Variants in PTPRT observed in about 807,000 individuals in gnomAD.
PTPRT encodes protein tyrosine phosphatase receptor type T, also known as receptor-type tyrosine-protein phosphatase T.
PTPRT carries 56 observed loss-of-function variants against 176.8 expected under a neutral mutation model. The observed-to-expected ratio is 0.32, with a 90% CI of 0.26 to 0.40. PTPRT has a LOEUF of 0.40. Ranked by LOEUF, PTPRT falls within the 10% of genes least tolerant of loss-of-function variation. The pLI is 1.00. For synonymous variants in PTPRT, 783 were observed against 739.0 expected (o/e 1.06, Z -0.96); for missense variants, 1,540 against 1,908.2 (o/e 0.81, Z 3.60).
intron 13 of PTPRT, among the ~76,000 whole-genome samples, chr20:42,259,838 G>T (rs1894594): frequency 0.11 from 16,937 of 152,064 alleles, 3,205 homozygotes; most frequent in African/African-American, 0.39. Flanking sequence ...GAAATAAAAT[G>T]TAGCCCATGG....
intron 5 of PTPRT, among the ~76,000 whole-genome samples, chr20:42,768,080 C>T (rs2077010496): frequency 1.3e-5 from 2 of 151,058 alleles, no homozygotes; most frequent in Non-Finnish European, 2.9e-5. Context: ...CCTGATTGCA[C>T]ATAAGCCTGG....
intron 5 of PTPRT, among the ~76,000 whole-genome samples, chr20:42,768,685 A>G (rs755974683): frequency 4.6e-5 from 7 of 152,110 alleles, no homozygotes; most frequent in Non-Finnish European, 7.3e-5. Flanking sequence ...TTCTCCTTCT[A>G]TCTGGTGTTG....
chr20:42,613,444 C>T (rs58420604), intron 7 of PTPRT, among the ~76,000 whole-genome samples: 3,634 of 152,326 alleles, frequency 0.024, 148 homozygotes, highest in African/African-American at 0.082. Flanking sequence ...TTATGCAGCT[C>T]TTTGAAGACA....
At chr20:42,643,737 C>G (rs1167140154) in intron 7 of PTPRT, among the ~76,000 whole-genome samples, 2 of 152,120 alleles carry the variant, frequency 1.3e-5, no homozygotes, top group East Asian at 3.8e-4. Context: ...TCCGCCACAA[C>G]CACTATGCAT....
At chr20:43,085,135 A>G (rs1173901948) in intron 1 of PTPRT, among the ~76,000 whole-genome samples, 2 of 152,182 alleles carry the variant, frequency 1.3e-5, no homozygotes, top group Non-Finnish European at 2.9e-5. Context: ...ATTAAACTCC[A>G]GAGAAGAACT....
intron 16 of PTPRT, among the ~76,000 whole-genome samples, chr20:42,190,821 G>A (rs942580184): frequency 1.3e-5 from 2 of 152,166 alleles, no homozygotes; most frequent in Non-Finnish European, 2.9e-5. Flanking sequence ...ATCTACAGAA[G>A]GCAGCATGGA....
At chr20:42,132,088 C>A (rs555561095) in intron 18 of PTPRT, among the ~76,000 whole-genome samples, 109 of 152,274 alleles carry the variant, frequency 7.2e-4, no homozygotes, top group African/African-American at 2.6e-3. Flanking sequence ...CTCTGCAGGG[C>A]AGCCTAATAC....
intron 7 of PTPRT, 21 bp downstream of exon 7, chr20:42,677,845 T>TG (rs754990957): frequency 3.7e-5 from 50 of 1,334,768 alleles, no homozygotes; most frequent in African/African-American, 1.5e-4. Flanking sequence ...TAATGGAGCC[T>TG]GGGAAAAAAA....
intron 16 of PTPRT, among the ~76,000 whole-genome samples, chr20:42,180,732 A>T (rs996144993): frequency 2.0e-5 from 3 of 152,228 alleles, no homozygotes; most frequent in Non-Finnish European, 4.4e-5. Context: ...GTGCAATCTT[A>T]GAAATCAGTG....
intron 2 of PTPRT, among the ~76,000 whole-genome samples, chr20:42,794,612 G>T (rs1279400350): frequency 6.6e-6 from 1 of 152,116 alleles, no homozygotes; most frequent in Non-Finnish European, 1.5e-5. Flanking sequence ...CCACACAGAA[G>T]GCTACTCACC....
intron 9 of PTPRT, among the ~76,000 whole-genome samples, chr20:42,417,289 C>T (rs557305795): frequency 1.3e-4 from 20 of 152,228 alleles, no homozygotes; most frequent in African/African-American, 4.8e-4. Flanking sequence ...AAAATAACCC[C>T]GCACCTCAGC....
At chr20:42,692,927 A>G (rs760347750) in intron 6 of PTPRT, among the ~76,000 whole-genome samples, 16 of 152,202 alleles carry the variant, frequency 1.1e-4, no homozygotes, top group Admixed American at 2.6e-4. Flanking sequence ...GGGAAGAAAC[A>G]TGATGAAACT....
intron 5 of PTPRT, among the ~76,000 whole-genome samples, chr20:42,766,625 A>C (rs542715814): frequency 3.3e-5 from 5 of 152,310 alleles, no homozygotes; most frequent in African/African-American, 1.2e-4. Flanking sequence ...AGGAAAAGCA[A>C]GCTATAAAGT....
chr20:43,105,676 AG>A (rs2012574673), intron 1 of PTPRT, among the ~76,000 whole-genome samples: 1 of 152,246 alleles, frequency 6.6e-6, no homozygotes, highest in Admixed American at 6.5e-5. Flanking sequence ...CTAGGATTAA[AG>A]GTGTGAGCCA....
Position 42,079,258 on chromosome 20 carries a change from C to CT in PTPRT, c.*1620_*1621insA, listed in dbSNP as rs2146077545. 1 of 207,964 alleles carries CT rather than the reference C, an allele frequency of 4.8e-6. No individual in the cohort carries two copies. Among genetic ancestry groups the CT allele is most frequent in the Admixed American group, 5.9e-5 (1 of 16,888 alleles). 12.9% of individuals were successfully genotyped at this position (207,964 alleles called of 1,614,324 possible). On this transcript the variant is annotated 3_prime_UTR_variant, in exon 31 of 31. Transcript: ENST00000373187. ...ATTCTGCGCTTCCCAGAAGAACTGG[C>CT]ATCAGGAAGAAAGTACTAAATTTCC...
chr20:42,323,945 T>C lies in PTPRT; in HGVS notation c.1866-7949A>G, dbSNP rs184969097. Among the ~76,000 whole-genome samples the C allele has an allele frequency of 1.4e-3, 210 of 152,258 alleles. 2 individuals are homozygous for C. The highest frequency in any genetic ancestry group is 4.6e-3 in the African/African-American group (192 of 41,562). ...GAAAGGTAAAATGGTACAGTCACTC[T>C]GGGACACAGTCTGGTAGTTCCTTAA... On this transcript the variant is annotated intron_variant, in intron 11 of 30. Transcript: ENST00000373187.
chr20:42,867,142 G>A (rs762300579), intron 2 of PTPRT, among the ~76,000 whole-genome samples: 7 of 152,226 alleles, frequency 4.6e-5, no homozygotes, highest in Non-Finnish European at 8.8e-5. Context: ...GCAAGGTAGG[G>A]TGGCCATAAA....
At chr20:42,657,509 C>T (rs1269337435) in intron 7 of PTPRT, among the ~76,000 whole-genome samples, 2 of 152,106 alleles carry the variant, frequency 1.3e-5, no homozygotes, top group Non-Finnish European at 2.9e-5. Context: ...CTGGGATTGG[C>T]CTCTCTTGTC....
At chr20:42,908,419 A>T (rs2145928617) in intron 1 of PTPRT, among the ~76,000 whole-genome samples, 1 of 152,258 alleles carries the variant, frequency 6.6e-6, no homozygotes, top group African/African-American at 2.4e-5. Context: ...ATTCCTAACA[A>T]CCAGCAAATA....
Sources: gnomAD v4.1 joint callset for allele counts (sites outside exome capture counted in the v4.1 genomes callset) on GRCh38, gnomAD v4.1.1 for gene constraint, MANE v1.5 for transcripts, NCBI Gene and HGNC (gene_info 2026-07-23, HGNC 2026-07-21) for gene names.